IL1RAPL1: variants seen among roughly 807,000 people sequenced by gnomAD.
IL1RAPL1 encodes interleukin-1 receptor accessory protein-like 1.
In IL1RAPL1, 3 loss-of-function variants were observed where a neutral mutation model predicts 48.4. The observed-to-expected ratio is 0.06, with a 90% confidence interval of 0.03 to 0.16. The LOEUF (loss-of-function observed/expected upper bound fraction) is 0.16, where lower values mean the gene tolerates loss of function less well. IL1RAPL1 is among the 10% of genes least tolerant of loss of function. IL1RAPL1 has a pLI of 1.00. For synonymous variants in IL1RAPL1, 185 were observed against 187.7 expected (o/e 0.99, Z 0.12); for missense variants, 349 against 530.6 (o/e 0.66, Z 3.36).
intron 5 of IL1RAPL1, among the ~76,000 whole-genome samples, chrX:29,575,485 G>T (rs1182062169): frequency 9.0e-6 from 1 of 111,499 alleles, no homozygotes; most frequent in African/African-American, 3.3e-5. Context: ...GATGTCCAAG[G>T]GCAGAAGACT....
At chrX:28,762,823 C>CACACACACACACACACACAG (rs1268556014) in intron 1 of IL1RAPL1, among the ~76,000 whole-genome samples, 1 of 36,788 alleles carries the variant, frequency 2.7e-5, no homozygotes, top group African/African-American at 7.6e-5. Flanking sequence ...CACACACACA[C>CACACACACACACACACACAG]AGAGAGAGAG....
chrX:29,509,300 C>T (rs1488261750), intron 5 of IL1RAPL1, among the ~76,000 whole-genome samples: 1 of 111,675 alleles, frequency 9.0e-6, no homozygotes, highest in African/African-American at 3.3e-5. Context: ...ATCAGGCCCA[C>T]CCAGATTATC....
chrX:29,152,251 C>G (rs572684944), intron 2 of IL1RAPL1, among the ~76,000 whole-genome samples: 3 of 111,281 alleles, frequency 2.7e-5, no homozygotes, highest in African/African-American at 9.8e-5. Context: ...CCACCAGGCC[C>G]CTCCCATGCA....
rs754430846 is a variant in IL1RAPL1, at chrX:29,039,710, C to CA, written c.83-243226dup. On this transcript the variant is annotated intron_variant, in intron 2 of 10. Transcript: ENST00000378993. ...CAACTTAAGGAGGATAAGCTATGAGCAACTTGAACTATAATAATACATGAA... is the reference window on the plus strand; with the variant it reads ...CAACTTAAGGAGGATAAGCTATGAGCAAACTTGAACTATAATAATACATGAA... Among the ~76,000 whole-genome samples the CA allele has an allele frequency of 3.0e-5, 3 of 98,979 alleles. No individual in the cohort carries two copies. The Admixed American group carries it at 3.7e-4, about 12-fold the overall frequency. 86.0% of individuals were successfully genotyped at this position (98,979 alleles called of 115,157 possible).
At chrX:29,834,861 A>G (rs1489511456) in intron 6 of IL1RAPL1, among the ~76,000 whole-genome samples, 1 of 111,725 alleles carries the variant, frequency 9.0e-6, no homozygotes, top group Admixed American at 9.5e-5. Context: ...TCAACAATGT[A>G]TATAAAACTG....
At chrX:29,695,597 C>CAAGA (rs1926886182) in intron 6 of IL1RAPL1, among the ~76,000 whole-genome samples, 1 of 94,865 alleles carries the variant, frequency 1.1e-5, no homozygotes, top group African/African-American at 4.0e-5. Flanking sequence ...TGCAAGGTGG[C>CAAGA]GAGAGAGAGA....
At chrX:29,803,147 A>G (rs1388367787) in intron 6 of IL1RAPL1, among the ~76,000 whole-genome samples, 2 of 90,761 alleles carry the variant, frequency 2.2e-5, no homozygotes, top group African/African-American at 8.2e-5. Flanking sequence ...ATATGTATAT[A>G]TGTGTATACA....
chrX:29,655,899 C>G (rs906757298), intron 5 of IL1RAPL1, among the ~76,000 whole-genome samples: 4 of 111,535 alleles, frequency 3.6e-5, no homozygotes, highest in African/African-American at 1.3e-4. Flanking sequence ...CACCCCAAAA[C>G]ATGTTAATTT....
intron 5 of IL1RAPL1, among the ~76,000 whole-genome samples, chrX:29,493,079 C>G (rs1265328642): frequency 8.9e-6 from 1 of 111,952 alleles, no homozygotes; most frequent in Non-Finnish European, 1.9e-5. Context: ...TTGCATTGCA[C>G]TACTGAAGAA....
intron 2 of IL1RAPL1, among the ~76,000 whole-genome samples, chrX:28,975,026 A>T (rs774085571): frequency 1.8e-5 from 2 of 112,352 alleles, no homozygotes; most frequent in Non-Finnish European, 3.8e-5. Flanking sequence ...AAGACATTCA[A>T]TTATAAATGT....
chrX:29,293,227 T>C (rs980680202), intron 3 of IL1RAPL1, among the ~76,000 whole-genome samples: 1 of 111,622 alleles, frequency 9.0e-6, no homozygotes, highest in Non-Finnish European at 1.9e-5. Context: ...GTCTATTTGA[T>C]TTACTGATTT....
chrX:28,675,872 T>A (rs1286774726), intron 1 of IL1RAPL1, among the ~76,000 whole-genome samples: 2 of 112,087 alleles, frequency 1.8e-5, no homozygotes, highest in Admixed American at 9.5e-5. Flanking sequence ...GATTTAACTC[T>A]TTATGATGCA....
chrX:29,585,168 C>G (rs1210563245), intron 5 of IL1RAPL1, among the ~76,000 whole-genome samples: 1 of 111,911 alleles, frequency 8.9e-6, no homozygotes, highest in Non-Finnish European at 1.9e-5. Context: ...TTAACTGAAA[C>G]TTTATGCATA....
chrX:28,808,691 G>T (rs1936758635), intron 2 of IL1RAPL1, among the ~76,000 whole-genome samples: 1 of 110,521 alleles, frequency 9.0e-6, no homozygotes, highest in African/African-American at 3.3e-5. Flanking sequence ...ATATTTTTTG[G>T]AAAACAAATT....
chrX:29,695,844 G>A (rs1018361707), intron 6 of IL1RAPL1, among the ~76,000 whole-genome samples: 16 of 111,053 alleles, frequency 1.4e-4, no homozygotes, highest in African/African-American at 4.6e-4. Context: ...GACTGTGGTT[G>A]ATGATGGTGA....
At chrX:29,230,277 G>A (rs1304485561) in intron 2 of IL1RAPL1, among the ~76,000 whole-genome samples, 1 of 109,927 alleles carries the variant, frequency 9.1e-6, no homozygotes. Flanking sequence ...AGGATTTGGA[G>A]TTGACTGTAT....
At chrX:29,336,307 GTGTGTGTGT>G (rs1569289461) in intron 3 of IL1RAPL1, among the ~76,000 whole-genome samples, 10 of 10,749 alleles carry the variant, frequency 9.3e-4, no homozygotes, top group African/African-American at 3.7e-3. Context: ...GTTTTGGGGT[GTGTGTGTGT>G]GTGTGTGTGT....
At chrX:29,662,187 G>A (rs1460317091) in intron 5 of IL1RAPL1, among the ~76,000 whole-genome samples, 1 of 111,458 alleles carries the variant, frequency 9.0e-6, no homozygotes, top group Non-Finnish European at 1.9e-5. Context: ...TATAGATACA[G>A]TGGCATTCTT....
Position 29,922,534 on chromosome X carries a change from C to A in IL1RAPL1, c.1057+2440C>A, listed in dbSNP as rs181279264. Among the ~76,000 whole-genome samples the A allele has an allele frequency of 1.6e-3, 178 of 111,545 alleles. 1 individual carries two copies. The highest frequency in any genetic ancestry group is 5.3e-3 in the African/African-American group (164 of 30,692). On this transcript the variant is annotated intron_variant, in intron 8 of 10. Coordinates refer to ENST00000378993, the MANE Select transcript of IL1RAPL1 (RefSeq NM_014271.4). ...ATGAGTCATCAATTCACAAAGACACCAATGGATGCAATTTCCTGCTCTTGA... is the reference window on the plus strand; with the variant it reads ...ATGAGTCATCAATTCACAAAGACACAAATGGATGCAATTTCCTGCTCTTGA...
Sources: gnomAD v4.1 joint callset for allele counts (sites outside exome capture counted in the v4.1 genomes callset) on GRCh38, gnomAD v4.1.1 for gene constraint, MANE v1.5 for transcripts, NCBI Gene and HGNC (gene_info 2026-07-23, HGNC 2026-07-21) for gene names.